PRICKLE1: variants seen among roughly 807,000 people sequenced by gnomAD.
PRICKLE1 encodes the protein prickle planar cell polarity protein 1, also known as prickle-like protein 1.
In PRICKLE1, 14 loss-of-function variants were observed where a neutral mutation model predicts 70.2. The ratio of observed to expected loss-of-function variants is 0.20; its 90% confidence interval spans 0.13 to 0.31. The LOEUF is 0.31. Ranked by LOEUF, PRICKLE1 falls within the 10% of genes least tolerant of loss-of-function variation. The probability of loss-of-function intolerance (pLI) is 1.00; values close to 1 mark genes in which losing one functional copy is unlikely to be tolerated. For missense variants in PRICKLE1, 821 were observed against 1,026.2 expected (o/e 0.80, Z 2.73); for synonymous variants, 357 against 379.9 (o/e 0.94, Z 0.70).
At chr12:42,518,911 C>CT (rs1939658640) in intron 1 of PRICKLE1, among the ~76,000 whole-genome samples, 1 of 152,140 alleles carries the variant, frequency 6.6e-6, no homozygotes, top group Non-Finnish European at 1.5e-5. Flanking sequence ...TATAATGCCA[C>CT]TATCAGGTAC....
At position 42,457,716 on chromosome 12, in the gene PRICKLE1, C is replaced by G. The variant is rs1484032838; in HGVS notation, c.*2093G>C. The G allele has an allele frequency of 6.6e-6, 1 of 152,216 alleles. No homozygotes were observed. The highest frequency in any genetic ancestry group is 1.5e-5 in the Non-Finnish European group (1 of 68,046). The allele number at this position is 152,216 out of a possible 1,614,324, so 9.4% of individuals were successfully genotyped here. A position where few individuals can be genotyped will look rare whatever the true frequency, so the allele number is the denominator to read the frequency against. Reference sequence around the variant, plus strand: ...GAAAGAATGGGTAGACCTATATGCACTAACGTGAAATGTCCACATACAAAG... The same window carrying G: ...GAAAGAATGGGTAGACCTATATGCAGTAACGTGAAATGTCCACATACAAAG... On this transcript the variant is annotated 3_prime_UTR_variant, in exon 8 of 8. Coordinates refer to ENST00000345127, the MANE Select transcript of PRICKLE1 (RefSeq NM_153026.3).
At chr12:42,501,232 C>T (rs534310113) in intron 1 of PRICKLE1, among the ~76,000 whole-genome samples, 62 of 151,996 alleles carry the variant, frequency 4.1e-4, no homozygotes, top group Non-Finnish European at 7.1e-4. Context: ...AGGCCGGGTG[C>T]GGTGGCTCAT....
At chr12:42,477,522 A>G (rs767373052) in intron 1 of PRICKLE1, among the ~76,000 whole-genome samples, 17,826 of 87,620 alleles carry the variant, frequency 0.2, 1,766 homozygotes, top group African/African-American at 0.33. Context: ...ATATATATAT[A>G]TATATATATA....
At chr12:42,516,241 C>T (rs188484189) in intron 1 of PRICKLE1, among the ~76,000 whole-genome samples, 36 of 152,222 alleles carry the variant, frequency 2.4e-4, no homozygotes, top group African/African-American at 7.9e-4. Context: ...ATGCCATTCT[C>T]CTGCCTCAGC....
At chr12:42,484,005 C>T (rs1593130422) in intron 1 of PRICKLE1, 1 of 82,214 alleles carries the variant, frequency 1.2e-5, no homozygotes, top group East Asian at 3.8e-4. Flanking sequence ...TAATCAGAGC[C>T]CGCAGTAAAA....
chr12:42,549,013 G>A lies in PRICKLE1; in HGVS notation c.-49+40452C>T, dbSNP rs183121171. On this transcript the variant is annotated intron_variant, in intron 1 of 7. Transcript: ENST00000345127. ...TTGTGCCTATATTCCCAGCTATTTG[G>A]GAGGTTGAGGCAGGAGAATCGCTTG... is the stretch of plus-strand genomic sequence containing the variant. 9.9e-5 allele frequency among the ~76,000 whole-genome samples: 15 copies of A among 151,584 alleles called. No individual in the cohort carries two copies. In the East Asian group the frequency reaches 2.5e-3, roughly 26 times the overall value.
chr12:42,485,239 G>GTTTTTTTTTTTTTTTTTTTT (rs556218718), intron 1 of PRICKLE1: 3 of 100,784 alleles, frequency 3.0e-5, no homozygotes, highest in South Asian at 3.8e-4. Flanking sequence ...CAGCTGAGAA[G>GTTTTTTTTTTTTTTTTTTTT]TTTTTTTTTT....
chr12:42,503,502 A>C (rs894292815), intron 1 of PRICKLE1, among the ~76,000 whole-genome samples: 5 of 152,328 alleles, frequency 3.3e-5, no homozygotes, highest in Non-Finnish European at 7.3e-5. Context: ...TCTTAACTAA[A>C]GTAACTACTG....
chr12:42,496,277 A>G (rs1939200301), intron 1 of PRICKLE1, among the ~76,000 whole-genome samples: 1 of 152,202 alleles, frequency 6.6e-6, no homozygotes, highest in Admixed American at 6.5e-5. Flanking sequence ...TTTTTTCTGA[A>G]TAGTAGTTCT....
chr12:42,585,920 G>T (rs907580735), intron 1 of PRICKLE1, among the ~76,000 whole-genome samples: 1 of 152,108 alleles, frequency 6.6e-6, no homozygotes, highest in African/African-American at 2.4e-5. Context: ...ATGCCATCTT[G>T]GTCCTTGGAA....
intron 1 of PRICKLE1, among the ~76,000 whole-genome samples, chr12:42,579,928 A>G (rs1452324263): frequency 6.6e-6 from 1 of 151,790 alleles, no homozygotes; most frequent in African/African-American, 2.4e-5. Context: ...CTGGAGTGCA[A>G]TGGCGCAATC....
chr12:42,539,253 G>A (rs1669941), intron 1 of PRICKLE1, among the ~76,000 whole-genome samples: 102,646 of 151,670 alleles, frequency 0.68, 34,925 homozygotes, highest in Admixed American at 0.75. Context: ...GGATCACGAG[G>A]TCAGGAGATC....
At chr12:42,504,356 C>T (rs1352347161) in intron 1 of PRICKLE1, among the ~76,000 whole-genome samples, 2 of 152,156 alleles carry the variant, frequency 1.3e-5, no homozygotes, top group African/African-American at 4.8e-5. Flanking sequence ...AAGGAAAATA[C>T]TCTGACTGGG....
intron 1 of PRICKLE1, among the ~76,000 whole-genome samples, chr12:42,533,831 T>G (rs1939968227): frequency 6.6e-6 from 1 of 152,172 alleles, no homozygotes; most frequent in Non-Finnish European, 1.5e-5. Context: ...CTTCTGACAC[T>G]CTTCATCTTG....
At chr12:42,477,476 GTGTGTGTATATA>G (rs1938602130) in intron 1 of PRICKLE1, among the ~76,000 whole-genome samples, 1 of 30,170 alleles carries the variant, frequency 3.3e-5, no homozygotes, top group African/African-American at 8.3e-5. Context: ...GTGTGTGTGT[GTGTGTGTATATA>G]TATATATATA....
Position 42,466,263 on chromosome 12 carries a change from G to A in PRICKLE1, c.706C>T (p.Arg236Cys), listed in dbSNP as rs372213429. The A allele has an allele frequency of 9.3e-6, 15 of 1,614,036 alleles. No individual in the cohort carries two copies. The highest frequency in any genetic ancestry group is 8.0e-5 in the African/African-American group (6 of 74,912). Residue 236 changes from arginine to cysteine, a missense_variant, in exon 6 of 8, where the codon CGC becomes TGC. Transcript: ENST00000345127. ...GGQRYIMKDG[R>C]PFCCGCFESL... is the part of the protein sequence containing the mutation. The stretch of plus-strand genomic sequence containing the variant: ...TCAAAACAGCCACAGCAGAAGGGGC[G>A]GCCGTCCTTCATGATATACCTCTGT...
At chr12:42,563,084 G>A (rs1370083859) in intron 1 of PRICKLE1, among the ~76,000 whole-genome samples, 1 of 151,982 alleles carries the variant, frequency 6.6e-6, no homozygotes, top group Non-Finnish European at 1.5e-5. Flanking sequence ...ACAGGAGGCT[G>A]AGGCAGGAGA....
Position 42,457,823 on chromosome 12 carries a change from A to G in PRICKLE1, c.*1986T>C, listed in dbSNP as rs1566072862. On this transcript the variant is annotated 3_prime_UTR_variant, in exon 8 of 8. Transcript: ENST00000345127. The stretch of plus-strand genomic sequence containing the variant: ...ATACGAATGTGCTTTGAATGTCTGA[A>G]GGAGACACTAAAACTGGGTAAGAGT... 6.6e-6 allele frequency: 1 copy of G among 152,246 alleles called. No homozygotes were observed. The highest frequency in any genetic ancestry group is 1.9e-4 in the East Asian group (1 of 5,200). 9.4% of individuals were successfully genotyped at this position (152,246 alleles called of 1,614,324 possible). A position where few individuals can be genotyped will look rare whatever the true frequency, so the allele number is the denominator to read the frequency against.
At chr12:42,485,361 T>C (rs1386637588) in intron 1 of PRICKLE1, 1 of 149,270 alleles carries the variant, frequency 6.7e-6, no homozygotes, top group African/African-American at 2.5e-5. Context: ...AATTTGTAAT[T>C]CAAATAGACT....
Sources: gnomAD v4.1 joint callset for allele counts (sites outside exome capture counted in the v4.1 genomes callset) on GRCh38, gnomAD v4.1.1 for gene constraint, MANE v1.5 for transcripts, NCBI Gene and HGNC (gene_info 2026-07-23, HGNC 2026-07-21) for gene names.